SPDYA: variants seen among roughly 807,000 people sequenced by gnomAD.
SPDYA encodes the protein speedy/RINGO cell cycle regulator family member A.
SPDYA carries 11 observed loss-of-function variants against 36.7 expected under a neutral mutation model. That is an observed-to-expected ratio of 0.30 (90% CI 0.19 to 0.50). The LOEUF is 0.50. Ranked by LOEUF, SPDYA falls within the 20% of genes least tolerant of loss-of-function variation. The pLI is 0.98. For synonymous variants in SPDYA, 115 were observed against 118.7 expected, an observed-to-expected ratio of 0.97 and a Z score of 0.20; for missense variants, 287 against 370.9, an observed-to-expected ratio of 0.77 and a Z score of 1.86.
intron 7 of SPDYA, among the ~76,000 whole-genome samples, chr2:28,844,049 C>G (rs1259223315): frequency 1.3e-5 from 2 of 152,068 alleles, no homozygotes; most frequent in African/African-American, 4.8e-5. Context: ...AATCTAAAAC[C>G]AAGTAATTTT....
At chr2:28,816,324 A>T in intron 3 of SPDYA, 75 bp downstream of exon 3, 5 of 1,128,156 alleles carry the variant, frequency 4.4e-6, no homozygotes, top group Non-Finnish European at 6.2e-6. Context: ...AAATGTTTTT[A>T]TTCTGATCAA....
In SPDYA at chr2:28,839,471, C is replaced by T. The variant is rs534142889; in HGVS notation, c.553-701C>T. On this transcript the variant is annotated intron_variant, in intron 6 of 7. Transcript: ENST00000334056. ...TGCAGACATTTTAAGATTACCATAA[C>T]ACACATAGCTGGGAACCTTAATTAT... Among the ~76,000 whole-genome samples, 21 of 152,268 alleles carry T rather than the reference C, an allele frequency of 1.4e-4. No individual in the cohort carries two copies. The East Asian group carries it at 4.1e-3, about 29-fold the overall frequency.
chr2:28,826,255 A>G (rs1010269309), intron 5 of SPDYA, among the ~76,000 whole-genome samples: 2 of 151,640 alleles, frequency 1.3e-5, no homozygotes, highest in Non-Finnish European at 2.9e-5. Flanking sequence ...TTCCACCTCA[A>G]TCTCCCAAGT....
At chr2:28,839,692 C>T (rs187079062) in intron 6 of SPDYA, among the ~76,000 whole-genome samples, 3 of 152,146 alleles carry the variant, frequency 2.0e-5, no homozygotes, top group Admixed American at 1.3e-4. Context: ...TTAGTAGAGA[C>T]GGAGTTTCAC....
intron 7 of SPDYA, among the ~76,000 whole-genome samples, chr2:28,845,764 C>T (rs1168246088): frequency 1.3e-5 from 2 of 151,984 alleles, no homozygotes; most frequent in East Asian, 1.9e-4. Flanking sequence ...AGGCTGGTCT[C>T]GAACTCCTGA....
At chr2:28,817,300 G>A (rs765811256) in intron 3 of SPDYA, among the ~76,000 whole-genome samples, 2 of 152,044 alleles carry the variant, frequency 1.3e-5, no homozygotes, top group Non-Finnish European at 2.9e-5. Flanking sequence ...GGTGGCTCAC[G>A]CCTGTAATCC....
At chr2:28,830,650 G>T (rs1400113115) in intron 6 of SPDYA, among the ~76,000 whole-genome samples, 1 of 152,132 alleles carries the variant, frequency 6.6e-6, no homozygotes, top group African/African-American at 2.4e-5. Context: ...AATAAAGTAT[G>T]TGAAATTTCA....
intron 6 of SPDYA, among the ~76,000 whole-genome samples, chr2:28,834,627 G>A (rs1157048628): frequency 2.0e-5 from 3 of 152,176 alleles, no homozygotes; most frequent in Non-Finnish European, 4.4e-5. Context: ...CACAAAGGAC[G>A]ACATATTGTA....
At chr2:28,830,696 T>G (rs1014588438) in intron 6 of SPDYA, among the ~76,000 whole-genome samples, 2 of 152,202 alleles carry the variant, frequency 1.3e-5, no homozygotes, top group Admixed American at 1.3e-4. Flanking sequence ...AACACATATA[T>G]TAAATGGTAT....
Position 28,840,163 on chromosome 2 carries a change from C to CTAT in SPDYA, c.553-5_553-3dup. 5.0e-6 allele frequency: 8 copies of CTAT among 1,605,580 alleles called. No homozygotes were observed. Among genetic ancestry groups the CTAT allele is most frequent in the Non-Finnish European group, 6.8e-6 (8 of 1,177,738 alleles). On this transcript the variant is annotated splice_polypyrimidine_tract_variant and intron_variant, in intron 6 of 7. Coordinates refer to ENST00000334056, the MANE Select transcript of SPDYA (RefSeq NM_182756.4). Reference sequence around the variant, plus strand: ...TACTAAAATTCTAAAAGTTAGCTTTCTATTATAGGTTATGGCCATTGCACC... The same window carrying CTAT: ...TACTAAAATTCTAAAAGTTAGCTTTCTATTATTATAGGTTATGGCCATTGCACC...
At chr2:28,827,213 T>C (rs574603548) in intron 5 of SPDYA, among the ~76,000 whole-genome samples, 1 of 152,274 alleles carries the variant, frequency 6.6e-6, no homozygotes, top group East Asian at 1.9e-4. Flanking sequence ...GTGCTGGGAT[T>C]ACAGGCGTGA....
At chr2:28,838,078 T>C (rs1668654158) in intron 6 of SPDYA, among the ~76,000 whole-genome samples, 1 of 151,800 alleles carries the variant, frequency 6.6e-6, no homozygotes, top group Non-Finnish European at 1.5e-5. Flanking sequence ...TTTCATAGAA[T>C]CACAGCATTG....
At chr2:28,825,022 T>G (rs1254376150) in intron 5 of SPDYA, among the ~76,000 whole-genome samples, 1 of 152,220 alleles carries the variant, frequency 6.6e-6, no homozygotes, top group Non-Finnish European at 1.5e-5. Context: ...ATTTTCCCTA[T>G]GAAATAAATT....
chr2:28,818,953 T>G, intron 3 of SPDYA, 95 bp from the exon 4 acceptor site: 1 of 971,380 alleles, frequency 1.0e-6, no homozygotes, highest in Non-Finnish European at 1.6e-6. Context: ...GTTTTATTTC[T>G]AAGCACCATG....
At chr2:28,838,619 T>C (rs1242495163) in intron 6 of SPDYA, among the ~76,000 whole-genome samples, 1 of 152,204 alleles carries the variant, frequency 6.6e-6, no homozygotes, top group Non-Finnish European at 1.5e-5. Context: ...ATAACCATGA[T>C]TGTGTATTTT....
intron 5 of SPDYA, among the ~76,000 whole-genome samples, 166 bp from the exon 6 acceptor site, chr2:28,828,982 C>G (rs1290965900): frequency 1.3e-5 from 2 of 152,216 alleles, no homozygotes; most frequent in African/African-American, 4.8e-5. Context: ...TAGAACCCAA[C>G]AAGGTAAAAT....
chr2:28,832,870 T>A lies in SPDYA; in HGVS notation c.552+3551T>A, dbSNP rs558190517. Among the ~76,000 whole-genome samples, 59 of 150,928 alleles carry A rather than the reference T, an allele frequency of 3.9e-4. 1 individual carries two copies. The highest frequency in any genetic ancestry group is 7.5e-4 in the Non-Finnish European group (51 of 67,690). On this transcript the variant is annotated intron_variant, in intron 6 of 7. Coordinates refer to ENST00000334056, the MANE Select transcript of SPDYA (RefSeq NM_182756.4). The stretch of plus-strand genomic sequence containing the variant: ...TTTTTTTTTTTTTAAAGACAGGGTC[T>A]TACTCTGTTACCCAGGCAGTAGTGC...
At chr2:28,844,662 G>A (rs972881090) in intron 7 of SPDYA, among the ~76,000 whole-genome samples, 8 of 152,220 alleles carry the variant, frequency 5.3e-5, no homozygotes, top group East Asian at 3.9e-4. Context: ...TGCTGGGCGC[G>A]GTGGCTCACA....
intron 4 of SPDYA, among the ~76,000 whole-genome samples, chr2:28,821,481 G>A (rs796453877): frequency 9.2e-5 from 14 of 152,214 alleles, no homozygotes; most frequent in African/African-American, 3.4e-4. Context: ...GATTACAGGT[G>A]TGAGCCACTG....
Sources: gnomAD v4.1 joint callset for allele counts (sites outside exome capture counted in the v4.1 genomes callset) on GRCh38, gnomAD v4.1.1 for gene constraint, MANE v1.5 for transcripts, NCBI Gene and HGNC (gene_info 2026-07-23, HGNC 2026-07-21) for gene names.